Variants in GCNT3 observed in about 807,000 individuals in gnomAD.
GCNT3 encodes the protein beta-1,3-galactosyl-O-glycosyl-glycoprotein beta-1,6-N-acetylglucosaminyltransferase 3.
For synonymous variants in GCNT3, 269 were observed against 195.2 expected (o/e 1.38, Z -3.15); for missense variants, 708 against 530.3 (o/e 1.34, Z -3.29).
intron 1 of GCNT3, among the ~76,000 whole-genome samples, chr15:59,614,825 A>G (rs2082712277): frequency 6.6e-6 from 1 of 152,192 alleles, no homozygotes; most frequent in Admixed American, 6.5e-5. Context: ...CCCAGCCCTT[A>G]TTCAAGATGG....
At chr15:59,615,605 G>A (rs566905768) in intron 1 of GCNT3, among the ~76,000 whole-genome samples, 8 of 152,158 alleles carry the variant, frequency 5.3e-5, no homozygotes, top group African/African-American at 1.9e-4. Context: ...TGTTCAGGCT[G>A]GGCGTGGTGG....
At chr15:59,612,240 A>G (rs571070337) in intron 1 of GCNT3, among the ~76,000 whole-genome samples, 129 of 152,310 alleles carry the variant, frequency 8.5e-4, no homozygotes, top group African/African-American at 2.5e-3. Context: ...TATAATTCAA[A>G]GCTCAAGCGA....
Position 59,620,396 on chromosome 15 carries a change from G to A in GCNT3, c.*841G>A, listed in dbSNP as rs1395769239. The A allele has an allele frequency of 6.0e-6, 1 of 167,038 alleles. No individual in the cohort carries two copies. Among genetic ancestry groups the A allele is most frequent in the Non-Finnish European group, 1.5e-5 (1 of 68,132 alleles). 10.3% of individuals were successfully genotyped at this position (167,038 alleles called of 1,614,324 possible). On this transcript the variant is annotated 3_prime_UTR_variant, in exon 3 of 3. Coordinates refer to ENST00000396065, the MANE Select transcript of GCNT3 (RefSeq NM_004751.3). The stretch of plus-strand genomic sequence containing the variant: ...TTCGCCAGGCTGGTCTTGAACTCCT[G>A]ACCTTGTGATCTGCCCGCCTCGGCC...
chr15:59,616,753 T>G lies in GCNT3; in HGVS notation c.-189T>G, dbSNP rs1469222176. The G allele has an allele frequency of 6.6e-6, 1 of 152,190 alleles. No homozygotes were observed. The highest frequency in any genetic ancestry group is 2.4e-5 in the African/African-American group (1 of 41,432). The allele number at this position is 152,190 out of a possible 1,614,324, so 9.4% of individuals were successfully genotyped here. ...CTTATGAATGTCAGAAAATACCTTT[T>G]GGAGGGTTAGAAGATCAGGGGACAT... On this transcript the variant is annotated 5_prime_UTR_variant, in exon 2 of 3. Coordinates refer to ENST00000396065, the MANE Select transcript of GCNT3 (RefSeq NM_004751.3).
chr15:59,612,270 C>T (rs2082699733), intron 1 of GCNT3, among the ~76,000 whole-genome samples: 1 of 152,070 alleles, frequency 6.6e-6, no homozygotes, highest in Admixed American at 6.5e-5. Flanking sequence ...AGCTTTTGGC[C>T]CATAGGAAGC....
At chr15:59,614,747 C>G (rs1383028697) in intron 1 of GCNT3, among the ~76,000 whole-genome samples, 1 of 152,170 alleles carries the variant, frequency 6.6e-6, no homozygotes, top group Non-Finnish European at 1.5e-5. Flanking sequence ...TCTCCTCTAT[C>G]TCATCCTGTG....
chr15:59,618,324 T>A lies in GCNT3; in HGVS notation c.86T>A (p.Leu29His), dbSNP rs1382890502. ...CTGCTGGCCACTGTGGCTCTGAAAC[T>A]TTCTTTCAGGTTGAAGTGTGACTCT... ...YMLLATVALK[L>H]SFRLKCDSDH... Residue 29 changes from leucine (L) to histidine (H), a missense_variant, in exon 3 of 3, where the codon CTT (leucine) becomes CAT (histidine). By Grantham distance (99) the Leu-to-His change is moderately conservative. Coordinates refer to ENST00000396065, the MANE Select transcript of GCNT3 (RefSeq NM_004751.3). 1.9e-6 allele frequency: 3 copies of A among 1,613,752 alleles called. No individual in the cohort carries two copies. The highest frequency in any genetic ancestry group is 2.5e-6 in the Non-Finnish European group (3 of 1,179,826).
At chr15:59,613,558 AAAT>A (rs1279421765) in intron 1 of GCNT3, among the ~76,000 whole-genome samples, 5 of 149,868 alleles carry the variant, frequency 3.3e-5, no homozygotes, top group African/African-American at 9.8e-5. Context: ...ATAAATAAAT[AAAT>A]AAATAAATAA....
rs1419719983 is a variant in GCNT3 at position 59,619,063 on chromosome 15, A to G, written c.825A>G (p.Thr275=). ...ATCACTTTGAGGTAGTGAGAGACAC[A>G]TTACACCTAACCAACAAGAAGAAGG... The part of the protein sequence containing the change: ...WKYHFEVVRD[T]LHLTNKKKDP... Residue 275 remains threonine, a synonymous_variant, in exon 3 of 3, where the codon ACA becomes ACG. Transcript: ENST00000396065. The G allele has an allele frequency of 6.2e-7, 1 of 1,614,154 alleles. No homozygotes were observed. The highest frequency in any genetic ancestry group is 1.3e-5 in the African/African-American group (1 of 75,046).
chr15:59,618,150 G>C, intron 2 of GCNT3, 29 bp from the exon 3 acceptor site: 1 of 708,948 alleles, frequency 1.4e-6, no homozygotes, highest in South Asian at 2.1e-5. Context: ...TGATTGGTTT[G>C]TAACTGGAGG....
Position 59,618,747 on chromosome 15 carries a change from A to C in GCNT3, c.509A>C (p.Glu170Ala), listed in dbSNP as rs896399026. The change falls in exon 3 of 3, where the codon GAA (glutamate) becomes GCA (alanine). Residue 170 changes from glutamate (E) to alanine (A), a missense_variant. Physicochemically the swap from Glu to Ala is moderately radical, Grantham distance 107 (BLOSUM62 -1). Coordinates refer to ENST00000396065, the MANE Select transcript of GCNT3 (RefSeq NM_004751.3). ...GTCCATGTGGATGAGAAGTCCCCAGAAACTTTCAAAGAGGCGGTCAAAGCA... is the reference window on the plus strand; with the variant it reads ...GTCCATGTGGATGAGAAGTCCCCAGCAACTTTCAAAGAGGCGGTCAAAGCA... ...YCVHVDEKSPETFKEAVKAII... is the reference protein window; with the variant it reads ...YCVHVDEKSPATFKEAVKAII... The C allele has an allele frequency of 6.2e-7, 1 of 1,614,096 alleles. No individual in the cohort carries two copies. The highest frequency in any genetic ancestry group is 8.5e-7 in the Non-Finnish European group (1 of 1,180,036).
intron 1 of GCNT3, among the ~76,000 whole-genome samples, chr15:59,614,723 G>A (rs534510683): frequency 1.3e-5 from 2 of 152,252 alleles, no homozygotes; most frequent in East Asian, 3.9e-4. Context: ...GTTATGACCT[G>A]TATCTTGGGC....
intron 1 of GCNT3, among the ~76,000 whole-genome samples, chr15:59,614,755 G>A (rs1287282612): frequency 6.6e-6 from 1 of 152,136 alleles, no homozygotes; most frequent in Non-Finnish European, 1.5e-5. Flanking sequence ...ATCTCATCCT[G>A]TGATTTAGAA....
chr15:59,613,315 T>C (rs1306653863), intron 1 of GCNT3, among the ~76,000 whole-genome samples: 2 of 152,082 alleles, frequency 1.3e-5, no homozygotes, highest in African/African-American at 2.4e-5. Context: ...GTTACTATAA[T>C]GTAGACCATC....
At chr15:59,617,284 C>G (rs763740104) in intron 2 of GCNT3, among the ~76,000 whole-genome samples, 45 of 147,488 alleles carry the variant, frequency 3.1e-4, no homozygotes, top group Non-Finnish European at 7.4e-5. Flanking sequence ...TATTGTATTT[C>G]AAAGGTAGCT....
At chr15:59,617,053 A>G (rs1316664263) in intron 2 of GCNT3, among the ~76,000 whole-genome samples, 172 bp downstream of exon 2, 1 of 150,570 alleles carries the variant, frequency 6.6e-6, no homozygotes, top group East Asian at 2.0e-4. Context: ...TTTCTATAAT[A>G]TCTGGTTTTC....
Position 59,622,541 on chromosome 15 carries a change from C to T in GCNT3, c.*2986C>T, listed in dbSNP as rs1027648007. On this transcript the variant is annotated 3_prime_UTR_variant, in exon 3 of 3. Coordinates refer to ENST00000396065, the MANE Select transcript of GCNT3 (RefSeq NM_004751.3). ...TCCCCCTGCTGGCTGATGTGATGGT[C>T]CTTGGTCCTCCTCTGAAGGAGGTAG... The T allele has an allele frequency of 6.6e-6, 1 of 152,088 alleles. No homozygotes were observed. The highest frequency in any genetic ancestry group is 1.9e-4 in the East Asian group (1 of 5,182). 9.4% of individuals were successfully genotyped at this position (152,088 alleles called of 1,614,324 possible).
chr15:59,619,253 G>C lies in GCNT3; in HGVS notation c.1015G>C (p.Ala339Pro). The C allele has an allele frequency of 6.2e-7, 1 of 1,614,122 alleles. No homozygotes were observed. The highest frequency in any genetic ancestry group is 8.5e-7 in the Non-Finnish European group (1 of 1,180,016). ...DEHLWATLQR[A>P]RWMPGSVPNH... is the part of the protein sequence containing the mutation. ...ACACCTCTGGGCCACCCTTCAGCGT[G>C]CACGGTGGATGCCTGGCTCTGTTCC... The change falls in exon 3 of 3, where the codon GCA becomes CCA. Residue 339 changes from alanine (A) to proline (P), a missense_variant. Transcript: ENST00000396065.
chr15:59,615,812 C>G (rs1438512205), intron 1 of GCNT3, among the ~76,000 whole-genome samples: 1 of 152,034 alleles, frequency 6.6e-6, no homozygotes, highest in Non-Finnish European at 1.5e-5. Context: ...GGCTTGAGCC[C>G]AGGAGGACAA....
Sources: gnomAD v4.1 joint callset for allele counts (sites outside exome capture counted in the v4.1 genomes callset) on GRCh38, gnomAD v4.1.1 for gene constraint, MANE v1.5 for transcripts, NCBI Gene and HGNC (gene_info 2026-07-23, HGNC 2026-07-21) for gene names.